The following RYR3 variants were observed in gnomAD, a reference collection of about 807,000 sequenced individuals.
RYR3 encodes the protein brain ryanodine receptor-calcium release channel.
Under a neutral mutation model 584.3 loss-of-function variants are expected in RYR3, and 207 were observed. The ratio of observed to expected loss-of-function variants is 0.35; its 90% CI spans 0.32 to 0.40. RYR3 has a LOEUF of 0.40. Among genes scored for constraint, RYR3 ranks in the 10% least tolerant of loss-of-function variants. The pLI is 1.00. For synonymous variants in RYR3, 2,416 were observed against 2,248.5 expected (o/e 1.07, Z -2.11); for missense variants, 5,616 against 6,089.2 (o/e 0.92, Z 2.59).
At chr15:33,763,948 T>C (rs1432805305) in intron 60 of RYR3, among the ~76,000 whole-genome samples, 1 of 137,676 alleles carries the variant, frequency 7.3e-6, no homozygotes, top group Admixed American at 7.2e-5. Flanking sequence ...AGAGAGGATG[T>C]GGAGAAATAG....
intron 1 of RYR3, among the ~76,000 whole-genome samples, chr15:33,458,216 G>A (rs1055288668): frequency 6.6e-6 from 1 of 152,114 alleles, no homozygotes; most frequent in Admixed American, 6.5e-5. Flanking sequence ...CAGTGGGATA[G>A]GAGGAGATCA....
chr15:33,533,123 T>A (rs1303889621), intron 4 of RYR3, among the ~76,000 whole-genome samples, 188 bp from the exon 5 acceptor site: 1 of 152,018 alleles, frequency 6.6e-6, no homozygotes, highest in African/African-American at 2.4e-5. Context: ...ACTCTAAAAA[T>A]AATAATAATA....
intron 45 of RYR3, among the ~76,000 whole-genome samples, chr15:33,725,346 C>G (rs1475050736): frequency 1.3e-5 from 2 of 152,138 alleles, no homozygotes; most frequent in East Asian, 3.9e-4. Flanking sequence ...TTCTCCTTTC[C>G]CTGGTGGCAC....
At chr15:33,420,427 T>C (rs141030101) in intron 1 of RYR3, among the ~76,000 whole-genome samples, 4 of 152,290 alleles carry the variant, frequency 2.6e-5, no homozygotes, top group African/African-American at 9.6e-5. Flanking sequence ...TGATTAATAT[T>C]TTTATATTGA....
rs549109379 is a variant in RYR3 at position 33,821,509 on chromosome 15, C to G, written c.10916-14C>G. ...TGTTTCCTTGGTGATTCAATCGAAT[C>G]TTCACCATGGCAGGTGAGATGAGCC... is the stretch of plus-strand genomic sequence containing the variant. On this transcript the variant is annotated splice_polypyrimidine_tract_variant and intron_variant, in intron 79 of 103. Transcript: ENST00000634891. The G allele has an allele frequency of 6.2e-6, 10 of 1,613,408 alleles. No homozygotes were observed. The Admixed American group carries it at 1.0e-4, about 16-fold the overall frequency.
At chr15:33,542,179 C>A (rs2055876396) in intron 7 of RYR3, among the ~76,000 whole-genome samples, 1 of 152,066 alleles carries the variant, frequency 6.6e-6, no homozygotes, top group South Asian at 2.1e-4. Context: ...CCACTTCAGC[C>A]CTTAAGAACG....
intron 91 of RYR3, among the ~76,000 whole-genome samples, chr15:33,842,954 C>A (rs2078467356): frequency 6.6e-6 from 1 of 152,124 alleles, no homozygotes; most frequent in African/African-American, 2.4e-5. Flanking sequence ...CAATTCTAAG[C>A]AATTTTTTTT....
At chr15:33,550,786 G>A (rs1402664593) in intron 10 of RYR3, among the ~76,000 whole-genome samples, 1 of 152,128 alleles carries the variant, frequency 6.6e-6, no homozygotes, top group African/African-American at 2.4e-5. Context: ...TGCTATATTT[G>A]TTTAAATTTT....
chr15:33,466,267 A>G (rs2048480311), intron 1 of RYR3, among the ~76,000 whole-genome samples: 1 of 152,194 alleles, frequency 6.6e-6, no homozygotes, highest in South Asian at 2.1e-4. Context: ...AAATGAGGAG[A>G]AGCAACCAAG....
chr15:33,316,556 T>A (rs888929647), intron 1 of RYR3, among the ~76,000 whole-genome samples: 1 of 152,062 alleles, frequency 6.6e-6, no homozygotes, highest in Admixed American at 6.6e-5. Context: ...TAAAAAAAAA[T>A]GAGCTTAGAG....
intron 38 of RYR3, among the ~76,000 whole-genome samples, chr15:33,687,570 G>T (rs1222085670): frequency 2.0e-5 from 3 of 152,110 alleles, no homozygotes; most frequent in Admixed American, 6.5e-5. Context: ...CTACTTTAAA[G>T]TTAATATGGA....
chr15:33,831,331 C>T (rs2059956), intron 86 of RYR3, among the ~76,000 whole-genome samples: 77,582 of 152,186 alleles, frequency 0.51, 20,077 homozygotes, highest in East Asian at 0.71. Flanking sequence ...ATTTATCTAG[C>T]TACATTTTGC....
intron 1 of RYR3, among the ~76,000 whole-genome samples, chr15:33,382,761 AAC>A (rs2041294375): frequency 6.6e-6 from 1 of 152,218 alleles, no homozygotes; most frequent in African/African-American, 2.4e-5. Context: ...CTGTTAATAT[AAC>A]ACATATATAT....
intron 12 of RYR3, among the ~76,000 whole-genome samples, chr15:33,576,925 G>C (rs539325535): frequency 6.6e-6 from 1 of 152,242 alleles, no homozygotes; most frequent in South Asian, 2.1e-4. Context: ...AAAGTCTCAG[G>C]ATACAAAATC....
chr15:33,385,699 CT>C (rs1450708095), intron 1 of RYR3, among the ~76,000 whole-genome samples: 2 of 70,552 alleles, frequency 2.8e-5, no homozygotes, highest in East Asian at 3.1e-4. Context: ...CTTTTTTTTT[CT>C]TTTTCTTTTC....
At chr15:33,366,217 T>A (rs760643502) in intron 1 of RYR3, among the ~76,000 whole-genome samples, 5 of 152,196 alleles carry the variant, frequency 3.3e-5, no homozygotes, top group Non-Finnish European at 7.3e-5. Flanking sequence ...TTAATTAACT[T>A]GAAAAATATG....
chr15:33,371,331 C>T (rs16970272), intron 1 of RYR3, among the ~76,000 whole-genome samples: 3,724 of 152,228 alleles, frequency 0.024, 153 homozygotes, highest in African/African-American at 0.086. Flanking sequence ...CCAAGTCAAA[C>T]CAATGCGGTT....
At chr15:33,510,210 G>T (rs1315386266) in intron 3 of RYR3, among the ~76,000 whole-genome samples, 1 of 152,160 alleles carries the variant, frequency 6.6e-6, no homozygotes, top group African/African-American at 2.4e-5. Flanking sequence ...TTTAGATTTG[G>T]TCTTAATAAT....
At chr15:33,314,107 CAT>C (rs1306165623) in intron 1 of RYR3, among the ~76,000 whole-genome samples, 3 of 152,208 alleles carry the variant, frequency 2.0e-5, no homozygotes, top group Non-Finnish European at 4.4e-5. Context: ...AGCTTAAACA[CAT>C]GTGAACTAAA....
Sources: gnomAD v4.1 joint callset for allele counts (sites outside exome capture counted in the v4.1 genomes callset) on GRCh38, gnomAD v4.1.1 for gene constraint, MANE v1.5 for transcripts, NCBI Gene and HGNC (gene_info 2026-07-23, HGNC 2026-07-21) for gene names.